Variants in KCNU1 observed in about 807,000 individuals in gnomAD.
KCNU1 encodes the protein potassium calcium-activated channel subfamily U member 1, also known as potassium channel subfamily U member 1.
Under a neutral mutation model 126.8 loss-of-function variants are expected in KCNU1, and 93 were observed. The observed-to-expected ratio is 0.73, with a 90% CI of 0.62 to 0.87. The LOEUF (loss-of-function observed/expected upper bound fraction) is 0.87. Among genes scored for constraint, KCNU1 ranks in the 40% least tolerant of loss-of-function variants. The probability of loss-of-function intolerance (pLI) is 0.00; values close to 1 mark genes in which losing one functional copy is unlikely to be tolerated. For synonymous variants in KCNU1, 523 were observed against 494.2 expected (o/e 1.06, Z -0.77); for missense variants, 1,330 against 1,367.1 (o/e 0.97, Z 0.43).
At chr8:36,892,424 T>A (rs1490894480) in intron 19 of KCNU1, among the ~76,000 whole-genome samples, 1 of 152,064 alleles carries the variant, frequency 6.6e-6, no homozygotes, top group Non-Finnish European at 1.5e-5. Context: ...ATATTTATAA[T>A]GGCTCTTATA....
chr8:36,828,438 T>A (rs1023848844), intron 10 of KCNU1, among the ~76,000 whole-genome samples: 6 of 152,134 alleles, frequency 3.9e-5, no homozygotes, highest in African/African-American at 1.4e-4. Context: ...CTTTCTCCTA[T>A]GTTTTATTAC....
chr8:36,909,082 C>G (rs533618225), intron 20 of KCNU1, among the ~76,000 whole-genome samples: 1 of 152,172 alleles, frequency 6.6e-6, no homozygotes, highest in East Asian at 1.9e-4. Context: ...TAATAGAAAA[C>G]TAGAAAGAAA....
In KCNU1 at chr8:36,935,942, G is replaced by T. The variant is rs1293641864; in HGVS notation, c.*22G>T. ...ATAGACCTGCCCATATTCTTCACGT[G>T]CTCTTAACTTGCTGCTTACAAATCA... On this transcript the variant is annotated 3_prime_UTR_variant, in exon 27 of 27. Transcript: ENST00000399881. 4.6e-6 allele frequency: 7 copies of T among 1,519,112 alleles called. No homozygotes were observed. In the East Asian group the frequency reaches 9.1e-5, roughly 20 times the overall value. The allele number at this position is 1,519,112 out of a possible 1,614,324, so 94.1% of individuals were successfully genotyped here. A position where few individuals can be genotyped will look rare whatever the true frequency, so the allele number is the denominator to read the frequency against.
At chr8:36,858,564 A>T (rs1187044173) in intron 18 of KCNU1, among the ~76,000 whole-genome samples, 1 of 152,192 alleles carries the variant, frequency 6.6e-6, no homozygotes, top group East Asian at 1.9e-4. Flanking sequence ...TGTACAAACC[A>T]AACTTTCTGA....
chr8:36,879,238 T>TATACAC (rs1216880068), intron 19 of KCNU1, among the ~76,000 whole-genome samples: 1 of 139,340 alleles, frequency 7.2e-6, no homozygotes, highest in African/African-American at 2.6e-5. Flanking sequence ...TATATATATA[T>TATACAC]ACACACACAT....
At chr8:36,846,779 C>T (rs1471664485) in intron 18 of KCNU1, among the ~76,000 whole-genome samples, 8 of 120,684 alleles carry the variant, frequency 6.6e-5, no homozygotes, top group African/African-American at 2.2e-4. Context: ...CCAGCCTGGG[C>T]GACAGAGCGA....
Position 36,797,115 on chromosome 8 carries a change from G to A in KCNU1, c.316-6912G>A, listed in dbSNP as rs115061968. The stretch of plus-strand genomic sequence containing the variant: ...AGGAGATTTCGGTTCAAACACTCGC[G>A]CCTCCACTTCCTAGTATGTAATCTT... On this transcript the variant is annotated intron_variant, in intron 2 of 26. Coordinates refer to ENST00000399881, the MANE Select transcript of KCNU1 (RefSeq NM_001031836.3). Among the ~76,000 whole-genome samples, 746 of 152,132 alleles carry A rather than the reference G, an allele frequency of 4.9e-3. 9 individuals carry two copies. Among genetic ancestry groups the A allele is most frequent in the African/African-American group, 0.017 (704 of 41,512 alleles).
chr8:36,842,145 T>A (rs1804980184), intron 16 of KCNU1, among the ~76,000 whole-genome samples: 1 of 152,236 alleles, frequency 6.6e-6, no homozygotes, highest in Non-Finnish European at 1.5e-5. Context: ...GGATAAGGAT[T>A]CATCATTTGT....
At chr8:36,843,638 T>A (rs547109746) in intron 16 of KCNU1, among the ~76,000 whole-genome samples, 65 of 152,320 alleles carry the variant, frequency 4.3e-4, no homozygotes, top group African/African-American at 1.5e-3. Flanking sequence ...GTAAATTCAC[T>A]GCTGCCATTA....
intron 16 of KCNU1, among the ~76,000 whole-genome samples, chr8:36,845,075 C>T (rs1805093904): frequency 6.6e-6 from 1 of 152,096 alleles, no homozygotes; most frequent in Non-Finnish European, 1.5e-5. Context: ...ATAAGCAAAA[C>T]TGAAGTCAAA....
At position 36,814,147 on chromosome 8, in the gene KCNU1, T is replaced by C. The variant is rs1042526918; in HGVS notation, c.733-60T>C. 2.6e-5 allele frequency: 35 copies of C among 1,353,408 alleles called. No homozygotes were observed. In the Admixed American group the frequency reaches 3.3e-4, roughly 13 times the overall value. 83.8% of individuals were successfully genotyped at this position (1,353,408 alleles called of 1,614,324 possible). A position where few individuals can be genotyped will look rare whatever the true frequency, so the allele number is the denominator to read the frequency against. ...AATTAATCTAATGTTTTGCCTATTC[T>C]TTAAAAATCTTCTCTTGGATTCTAT... is the stretch of plus-strand genomic sequence containing the variant. On this transcript the variant is annotated intron_variant, in intron 7 of 26. Coordinates refer to ENST00000399881, the MANE Select transcript of KCNU1 (RefSeq NM_001031836.3).
chr8:36,877,596 C>A (rs191482413), intron 19 of KCNU1, among the ~76,000 whole-genome samples: 2 of 152,282 alleles, frequency 1.3e-5, no homozygotes, highest in Non-Finnish European at 2.9e-5. Flanking sequence ...AGCCACCACA[C>A]CTGGCCTAGT....
chr8:36,815,854 AATG>A (rs1408890847), intron 9 of KCNU1, among the ~76,000 whole-genome samples, 167 bp downstream of exon 9: 14 of 152,304 alleles, frequency 9.2e-5, no homozygotes, highest in African/African-American at 3.4e-4. Context: ...ACCGTAAGAA[AATG>A]ATATTTGCTA....
chr8:36,853,971 G>A (rs1805441958), intron 18 of KCNU1, among the ~76,000 whole-genome samples: 1 of 152,110 alleles, frequency 6.6e-6, no homozygotes, highest in South Asian at 2.1e-4. Flanking sequence ...TTTATTTTTG[G>A]AGGATAGTTT....
chr8:36,864,358 T>A, intron 18 of KCNU1, 46 bp from the exon 19 acceptor site: 1 of 1,159,784 alleles, frequency 8.6e-7, no homozygotes, highest in Non-Finnish European at 1.3e-6. Context: ...CAACAATCCC[T>A]TGTGAAGAGA....
chr8:36,923,726 T>C (rs574832637), intron 24 of KCNU1, among the ~76,000 whole-genome samples: 67 of 152,314 alleles, frequency 4.4e-4, no homozygotes, highest in Non-Finnish European at 8.4e-4. Context: ...GGGTCCTGCA[T>C]CCATTGGCTG....
rs1345681987 is a variant in KCNU1, at chr8:36,842,146, C to T, written c.1703+1143C>T. ...GGCCCTGTGGCCGTGGATAAGGATTCATCATTTGTAGAATGAGGAAATAGA... is the reference window on the plus strand; with the variant it reads ...GGCCCTGTGGCCGTGGATAAGGATTTATCATTTGTAGAATGAGGAAATAGA... On this transcript the variant is annotated intron_variant, in intron 16 of 26. Coordinates refer to ENST00000399881, the MANE Select transcript of KCNU1 (RefSeq NM_001031836.3). 3.3e-5 allele frequency among the ~76,000 whole-genome samples: 5 copies of T among 152,170 alleles called. No individual in the cohort carries two copies. The East Asian group carries it at 9.6e-4, about 29-fold the overall frequency.
chr8:36,921,110 T>G (rs1013524753), intron 23 of KCNU1, among the ~76,000 whole-genome samples: 1 of 152,126 alleles, frequency 6.6e-6, no homozygotes, highest in African/African-American at 2.4e-5. Context: ...GCAGAAGATA[T>G]AAGACTCCTG....
At chr8:36,861,058 A>C (rs1244794093) in intron 18 of KCNU1, among the ~76,000 whole-genome samples, 1 of 152,114 alleles carries the variant, frequency 6.6e-6, no homozygotes, top group Non-Finnish European at 1.5e-5. Flanking sequence ...TCATCTTCCC[A>C]GCTTAGCTTA....
Sources: allele counts gnomAD v4.1 joint callset (sites outside exome capture counted in the v4.1 genomes callset), GRCh38; gene constraint gnomAD v4.1.1; transcripts MANE v1.5; gene names NCBI Gene and HGNC (gene_info 2026-07-23, HGNC 2026-07-21).